Variants in MMP26 observed in about 807,000 individuals in gnomAD.
MMP26 encodes matrix metallopeptidase 26, also known as matrix metalloproteinase-26.
In MMP26, 33 loss-of-function variants were observed where a neutral mutation model predicts 31.0. That is an observed-to-expected ratio of 1.06 (90% CI 0.81 to 1.42). The LOEUF is 1.42. Among genes scored for constraint, MMP26 ranks in the 40% most tolerant of loss-of-function variants. The pLI, the probability that MMP26 is intolerant of heterozygous loss-of-function variation, is 0.00. For missense variants in MMP26, 347 were observed against 316.1 expected, an observed-to-expected ratio of 1.10 and a Z score of -0.74; for synonymous variants, 122 against 114.9, an observed-to-expected ratio of 1.06 and a Z score of -0.40.
At chr11:4,795,218 C>T (rs1253092923) in intron 2 of MMP26, 1 of 152,196 alleles carries the variant, frequency 6.6e-6, no homozygotes, top group Non-Finnish European at 1.5e-5. Context: ...GCCACAACAA[C>T]AGCTGATAAA....
chr11:4,894,847 A>G (rs1850677362), intron 2 of MMP26, among the ~76,000 whole-genome samples: 1 of 152,180 alleles, frequency 6.6e-6, no homozygotes, highest in Non-Finnish European at 1.5e-5. Context: ...TTGCTAGATT[A>G]TTTTTATATT....
At chr11:4,927,260 G>A (rs1851285813) in intron 2 of MMP26, among the ~76,000 whole-genome samples, 1 of 152,146 alleles carries the variant, frequency 6.6e-6, no homozygotes, top group Non-Finnish European at 1.5e-5. Context: ...GTACAATCAT[G>A]ACCTTATTTT....
intron 2 of MMP26, chr11:4,769,797 G>C: frequency 6.2e-7 from 1 of 1,613,202 alleles, no homozygotes; most frequent in Non-Finnish European, 8.5e-7. Flanking sequence ...TTCCCAGAGA[G>C]GGCAATGGCA....
chr11:4,786,503 T>C (rs1564909328), intron 2 of MMP26, among the ~76,000 whole-genome samples: 1 of 119,992 alleles, frequency 8.3e-6, no homozygotes, highest in African/African-American at 2.9e-5. Context: ...CTTTTTTTTT[T>C]TTTTTTTTTT....
intron 2 of MMP26, among the ~76,000 whole-genome samples, chr11:4,950,120 C>A (rs1846357551): frequency 8.1e-6 from 1 of 123,484 alleles, no homozygotes; most frequent in South Asian, 2.4e-4. Flanking sequence ...AGAAAGAAAT[C>A]TTGAGTTTTA....
chr11:4,813,148 G>A lies in MMP26; in HGVS notation c.-145+45807G>A, dbSNP rs186897785. On this transcript the variant is annotated intron_variant, in intron 2 of 7. Coordinates refer to ENST00000380390, the MANE Select transcript of MMP26 (RefSeq NM_021801.5). ...GCCTCCCAAGTAGCTGGGATTACAG[G>A]TGCCTGCCACCATGTTAATCTATTA... 4.5e-4 allele frequency among the ~76,000 whole-genome samples: 68 copies of A among 152,052 alleles called. 1 individual carries two copies. The highest frequency in any genetic ancestry group is 1.6e-3 in the African/African-American group (68 of 41,476).
At chr11:4,864,995 A>T (rs1334611546) in intron 2 of MMP26, among the ~76,000 whole-genome samples, 1 of 152,034 alleles carries the variant, frequency 6.6e-6, no homozygotes, top group East Asian at 1.9e-4. Context: ...GGACTTAGGG[A>T]AAGTTATTTA....
intron 2 of MMP26, among the ~76,000 whole-genome samples, chr11:4,824,744 A>G (rs895189284): frequency 1.3e-5 from 2 of 152,162 alleles, no homozygotes; most frequent in African/African-American, 4.8e-5. Flanking sequence ...GGTCATTATC[A>G]TATCCAATCT....
chr11:4,871,939 G>A lies in MMP26; in HGVS notation c.-145+104598G>A, dbSNP rs555411314. 3.3e-5 allele frequency: 5 copies of A among 152,208 alleles called. No homozygotes were observed. The East Asian group carries it at 9.7e-4, about 29-fold the overall frequency. 9.4% of individuals were successfully genotyped at this position (152,208 alleles called of 1,614,324 possible). On this transcript the variant is annotated intron_variant, in intron 2 of 7. Coordinates refer to ENST00000380390, the MANE Select transcript of MMP26 (RefSeq NM_021801.5). The stretch of plus-strand genomic sequence containing the variant: ...AATTTAATGGCAGAAATTGCCCCGT[G>A]ACTAAATGTTGATCTTCTCCTTTAG...
At chr11:4,743,904 C>T (rs1231236869) in intron 1 of MMP26, among the ~76,000 whole-genome samples, 1 of 152,106 alleles carries the variant, frequency 6.6e-6, no homozygotes, top group Non-Finnish European at 1.5e-5. Flanking sequence ...CTCCTGGGCT[C>T]AAGTGATACT....
chr11:4,841,810 G>T (rs1245167176), intron 2 of MMP26, among the ~76,000 whole-genome samples: 1 of 152,180 alleles, frequency 6.6e-6, no homozygotes, highest in Non-Finnish European at 1.5e-5. Context: ...GTGCGTGCCT[G>T]TAATCCCAGC....
chr11:4,803,707 A>G (rs1849217272), intron 2 of MMP26: 1 of 1,614,024 alleles, frequency 6.2e-7, no homozygotes. Flanking sequence ...CACAGCTCTC[A>G]AAATCATCAC....
At chr11:4,815,809 C>T (rs1849412956) in intron 2 of MMP26, among the ~76,000 whole-genome samples, 1 of 152,106 alleles carries the variant, frequency 6.6e-6, no homozygotes, top group African/African-American at 2.4e-5. Context: ...TAGAACGTTG[C>T]ACAAAATATG....
intron 2 of MMP26, among the ~76,000 whole-genome samples, chr11:4,869,472 C>T (rs1176909792): frequency 6.6e-6 from 1 of 152,174 alleles, no homozygotes; most frequent in Admixed American, 6.5e-5. Flanking sequence ...GAAAAATGCT[C>T]ATCATCACTG....
intron 2 of MMP26, among the ~76,000 whole-genome samples, chr11:4,862,319 T>C (rs1199376413): frequency 6.6e-6 from 1 of 152,218 alleles, no homozygotes; most frequent in Non-Finnish European, 1.5e-5. Flanking sequence ...GACTATTTTA[T>C]GGTTCATCAC....
intron 2 of MMP26, among the ~76,000 whole-genome samples, chr11:4,786,423 G>A (rs1167162091): frequency 6.8e-6 from 1 of 146,698 alleles, no homozygotes; most frequent in Admixed American, 6.8e-5. Context: ...GGATCTATCA[G>A]CAATGTACCA....
At chr11:4,929,423 G>A (rs1851315846) in intron 2 of MMP26, among the ~76,000 whole-genome samples, 1 of 151,932 alleles carries the variant, frequency 6.6e-6, no homozygotes, top group Non-Finnish European at 1.5e-5. Context: ...TGGCCAAATT[G>A]ATATAATCAA....
intron 2 of MMP26, among the ~76,000 whole-genome samples, chr11:4,792,173 C>T (rs1164895719): frequency 3.4e-5 from 5 of 146,888 alleles, no homozygotes; most frequent in African/African-American, 7.6e-5. Flanking sequence ...TTGAAAAGTA[C>T]AAGTGTTTGA....
Position 4,882,032 on chromosome 11 carries a change from A to C in MMP26, c.-144-106036A>C, listed in dbSNP as rs759654905. The stretch of plus-strand genomic sequence containing the variant: ...CTACACCATTGCCCTCTTGGGAAAC[A>C]GTATGATCTTTCTTGTCATCATTAC... On this transcript the variant is annotated intron_variant, in intron 2 of 7. Coordinates refer to ENST00000380390, the MANE Select transcript of MMP26 (RefSeq NM_021801.5). 8 of 1,613,772 alleles carry C rather than the reference A, an allele frequency of 5.0e-6. No homozygotes were observed. In the Admixed American group the frequency reaches 1.3e-4, roughly 27 times the overall value.
Sources: allele counts gnomAD v4.1 joint callset (sites outside exome capture counted in the v4.1 genomes callset), GRCh38; gene constraint gnomAD v4.1.1; transcripts MANE v1.5; gene names NCBI Gene and HGNC (gene_info 2026-07-23, HGNC 2026-07-21).